POLD1: variants seen among roughly 807,000 people sequenced by gnomAD.
The protein encoded by POLD1 is DNA polymerase delta catalytic subunit.
A neutral mutation model predicts 129.7 loss-of-function variants in POLD1; 79 were observed. The observed-to-expected ratio is 0.61, with a 90% CI of 0.51 to 0.73. The LOEUF (loss-of-function observed/expected upper bound fraction) is 0.73, where lower values mean the gene tolerates loss of function less well. POLD1 is among the 30% of genes least tolerant of loss of function. The probability of loss-of-function intolerance (pLI) is 0.00; values close to 1 mark genes in which losing one functional copy is unlikely to be tolerated. For synonymous variants in POLD1, 714 were observed against 683.3 expected, an observed-to-expected ratio of 1.04 and a Z score of -0.70; for missense variants, 1,338 against 1,595.8, an observed-to-expected ratio of 0.84 and a Z score of 2.75.
intron 26 of POLD1, among the ~76,000 whole-genome samples, 156 bp from the exon 27 acceptor site, chr19:50,417,686 C>A (rs891864743): frequency 5.0e-5 from 7 of 139,088 alleles, no homozygotes; most frequent in East Asian, 2.2e-4. Context: ...CCCCCCACCC[C>A]CCCCGTGCCT....
At chr19:50,413,562 C>A (rs1229662577) in intron 18 of POLD1, 41 bp downstream of exon 18, 6 of 1,566,548 alleles carry the variant, frequency 3.8e-6, no homozygotes, top group Non-Finnish European at 5.2e-6. Context: ...GGGCCCAGGG[C>A]AGGTGGGGGG....
chr19:50,391,832 C>G (rs1395941122), intron 1 of POLD1, among the ~76,000 whole-genome samples: 1 of 152,078 alleles, frequency 6.6e-6, no homozygotes, highest in African/African-American at 2.4e-5. Flanking sequence ...CCTGCCTCAG[C>G]CTCCCAAGTA....
chr19:50,397,646 G>A (rs141630020), intron 1 of POLD1, among the ~76,000 whole-genome samples: 4,077 of 151,970 alleles, frequency 0.027, 78 homozygotes, highest in Non-Finnish European at 0.041. Context: ...CTCGTGATCC[G>A]CCCACCTTGG....
At chr19:50,390,778 C>CT in intron 1 of POLD1, among the ~76,000 whole-genome samples, 1 of 152,180 alleles carries the variant, frequency 6.6e-6, no homozygotes, top group Middle Eastern at 3.4e-3. Context: ...GGTGATGACT[C>CT]TTAAGGAGCA....
intron 8 of POLD1, 139 bp downstream of exon 8, chr19:50,402,880 G>T (rs2038714286): frequency 7.4e-7 from 1 of 1,353,394 alleles, no homozygotes; most frequent in Admixed American, 2.2e-5. Context: ...CAGATGGAGT[G>T]AGCACAGAGG....
chr19:50,400,522 ATTTTTTTTTTTT>A (rs1016107364), intron 3 of POLD1, among the ~76,000 whole-genome samples: 9 of 63,518 alleles, frequency 1.4e-4, no homozygotes, highest in Non-Finnish European at 2.3e-4. Context: ...TGCCCCGCCT[ATTTTTTTTTTTT>A]TTTTTTTTTT....
chr19:50,413,225 C>A (rs1280706380), intron 17 of POLD1, among the ~76,000 whole-genome samples: 1 of 152,234 alleles, frequency 6.6e-6, no homozygotes, highest in Non-Finnish European at 1.5e-5. Context: ...AGGGAACCCA[C>A]TTCTTTCCAC....
chr19:50,400,165 A>T (rs1483725684), intron 3 of POLD1, among the ~76,000 whole-genome samples: 1 of 70,578 alleles, frequency 1.4e-5, no homozygotes, highest in Admixed American at 2.0e-4. Context: ...TTTTTTTGAG[A>T]CAAGATTTTC....
At chr19:50,407,928 C>T (rs1256086381) in intron 14 of POLD1, among the ~76,000 whole-genome samples, 1 of 151,320 alleles carries the variant, frequency 6.6e-6, no homozygotes, top group Non-Finnish European at 1.5e-5. Flanking sequence ...ATCCCAGCTA[C>T]TTGGGAGGCT....
chr19:50,389,412 G>A (rs958546455), intron 1 of POLD1, among the ~76,000 whole-genome samples: 4 of 151,030 alleles, frequency 2.6e-5, no homozygotes, highest in Admixed American at 2.0e-4. Flanking sequence ...GTGAGCCACC[G>A]TACCTGGCCT....
chr19:50,414,312 G>A (rs1005888285), intron 19 of POLD1, among the ~76,000 whole-genome samples: 1 of 152,240 alleles, frequency 6.6e-6, no homozygotes, highest in Admixed American at 6.5e-5. Context: ...GAGTGCAGTG[G>A]CGAGTTCACA....
At chr19:50,386,732 GGA>G in intron 1 of POLD1, among the ~76,000 whole-genome samples, 1 of 152,296 alleles carries the variant, frequency 6.6e-6, no homozygotes, top group East Asian at 1.9e-4. Context: ...AGGTCCCAGA[GGA>G]GAGTCAGTCC....
At chr19:50,401,684 C>G (rs890453408) in intron 3 of POLD1, 94 bp from the exon 4 acceptor site, 3 of 1,406,978 alleles carry the variant, frequency 2.1e-6, no homozygotes, top group African/African-American at 2.8e-5. Context: ...AGGAGTGCCC[C>G]AGGCTGCAGG....
chr19:50,384,900 G>A (rs2037918345), intron 1 of POLD1, among the ~76,000 whole-genome samples: 1 of 152,176 alleles, frequency 6.6e-6, no homozygotes, highest in Non-Finnish European at 1.5e-5. Flanking sequence ...TGTTGCTTTA[G>A]CTGGAGTGGT....
At chr19:50,412,334 G>A (rs1026071536) in intron 17 of POLD1, among the ~76,000 whole-genome samples, 5 of 152,050 alleles carry the variant, frequency 3.3e-5, no homozygotes, top group Non-Finnish European at 5.9e-5. Context: ...TGCATTTTTA[G>A]TAGAGACGGG....
chr19:50,400,039 T>G (rs2038524456), intron 3 of POLD1, among the ~76,000 whole-genome samples: 3 of 151,354 alleles, frequency 2.0e-5, no homozygotes, highest in African/African-American at 7.3e-5. Flanking sequence ...GGTCTTGAAC[T>G]CCTGACCTCA....
Position 50,407,207 on chromosome 19 carries a change from C to A in POLD1, c.1686+33C>A, listed in dbSNP as rs181961875. 1.4e-4 allele frequency: 220 copies of A among 1,581,176 alleles called. 1 individual carries two copies. In the East Asian group the frequency reaches 4.2e-3, roughly 30 times the overall value. ...GCCGAGACTTGTCCTCGCCACCCCC[C>A]ACCAGGCACGTCTGTGGCCCCCTCC... On this transcript the variant is annotated intron_variant, in intron 13 of 26. Coordinates refer to ENST00000440232, the MANE Select transcript of POLD1 (RefSeq NM_002691.4).
chr19:50,395,255 A>G (rs1362397649), intron 1 of POLD1: 1 of 147,068 alleles, frequency 6.8e-6, no homozygotes, highest in Non-Finnish European at 1.5e-5. Context: ...GTACTTTTTA[A>G]AAACTTCTTT....
chr19:50,399,554 C>A, intron 3 of POLD1, 70 bp downstream of exon 3: 1 of 1,163,334 alleles, frequency 8.6e-7, no homozygotes, highest in Non-Finnish European at 1.3e-6. Context: ...CCAGGTCAGC[C>A]CCTCTGGCCC....
Sources: gnomAD v4.1 joint callset for allele counts (sites outside exome capture counted in the v4.1 genomes callset) on GRCh38, gnomAD v4.1.1 for gene constraint, MANE v1.5 for transcripts, NCBI Gene and HGNC (gene_info 2026-07-23, HGNC 2026-07-21) for gene names.